Variants in MNAT1 observed in about 807,000 individuals in gnomAD.
MNAT1 encodes MNAT1 component of CDK activating kinase.
In MNAT1, 43 loss-of-function variants were observed where a neutral mutation model predicts 42.0. The observed-to-expected ratio is 1.02, with a 90% CI of 0.80 to 1.32. The LOEUF is 1.32. MNAT1 is among the 40% of genes most tolerant of loss of function. The pLI is 0.00. For synonymous variants in MNAT1, 118 were observed against 120.0 expected, an observed-to-expected ratio of 0.98 and a Z score of 0.11; for missense variants, 306 against 350.4, an observed-to-expected ratio of 0.87 and a Z score of 1.01.
At chr14:60,787,504 T>A (rs1326531933) in intron 1 of MNAT1, among the ~76,000 whole-genome samples, 2 of 152,126 alleles carry the variant, frequency 1.3e-5, no homozygotes, top group African/African-American at 2.4e-5. Context: ...CCTTGGTGAT[T>A]TCTTAAAATG....
intron 1 of MNAT1, among the ~76,000 whole-genome samples, chr14:60,793,660 A>G (rs1428645310): frequency 6.6e-6 from 1 of 152,016 alleles, no homozygotes; most frequent in Non-Finnish European, 1.5e-5. Flanking sequence ...GGCGTAAGCA[A>G]CTAGGCCTGG....
At chr14:60,945,454 G>T (rs901203885) in intron 7 of MNAT1, among the ~76,000 whole-genome samples, 8 of 151,836 alleles carry the variant, frequency 5.3e-5, no homozygotes, top group Non-Finnish European at 1.2e-4. Context: ...TTCCTTATAG[G>T]AATCACTTTA....
intron 6 of MNAT1, among the ~76,000 whole-genome samples, chr14:60,869,711 T>A (rs4151277): frequency 2.5e-3 from 375 of 152,316 alleles, no homozygotes; most frequent in Non-Finnish European, 4.1e-3. Flanking sequence ...ATATACTGAT[T>A]GGTATAGAAC....
intron 6 of MNAT1, among the ~76,000 whole-genome samples, chr14:60,848,111 A>T (rs1175435682): frequency 1.3e-5 from 2 of 152,106 alleles, no homozygotes; most frequent in Admixed American, 1.3e-4. Flanking sequence ...ATTTTTACAG[A>T]TTCCTCAGTC....
intron 1 of MNAT1, among the ~76,000 whole-genome samples, chr14:60,753,311 T>A (rs2030182945): frequency 6.6e-6 from 1 of 152,148 alleles, no homozygotes; most frequent in Non-Finnish European, 1.5e-5. Flanking sequence ...GAAGTGTGTG[T>A]CCACTTATAT....
At chr14:60,747,331 A>G (rs2029882376) in intron 1 of MNAT1, among the ~76,000 whole-genome samples, 1 of 152,110 alleles carries the variant, frequency 6.6e-6, no homozygotes, top group Admixed American at 6.6e-5. Flanking sequence ...AACTCATGTT[A>G]GGCAGTTTTA....
chr14:60,951,751 A>G (rs1433105392), intron 7 of MNAT1, among the ~76,000 whole-genome samples: 1 of 151,538 alleles, frequency 6.6e-6, no homozygotes, highest in Non-Finnish European at 1.5e-5. Flanking sequence ...TTTATAAGTG[A>G]GGTTCATTTA....
At chr14:60,900,514 G>T (rs2035051579) in intron 7 of MNAT1, among the ~76,000 whole-genome samples, 1 of 152,146 alleles carries the variant, frequency 6.6e-6, no homozygotes, top group Non-Finnish European at 1.5e-5. Flanking sequence ...AAATTCTAAA[G>T]CTAACAAAGG....
intron 7 of MNAT1, among the ~76,000 whole-genome samples, chr14:60,910,751 A>G (rs1480221267): frequency 1.3e-5 from 2 of 152,180 alleles, no homozygotes; most frequent in Non-Finnish European, 2.9e-5. Context: ...GGATTTTTGC[A>G]TCAATGTTCT....
chr14:60,925,922 A>G (rs1011541834), intron 7 of MNAT1, among the ~76,000 whole-genome samples: 15 of 152,234 alleles, frequency 9.9e-5, no homozygotes, highest in African/African-American at 3.6e-4. Context: ...CAGAAATGCC[A>G]GAGTAATGTT....
At chr14:60,809,089 G>C (rs974518601) in intron 4 of MNAT1, 4 of 152,016 alleles carry the variant, frequency 2.6e-5, no homozygotes, top group Admixed American at 1.3e-4. Flanking sequence ...AGAAAAAATT[G>C]TATGCATGCA....
chr14:60,902,632 A>G (rs983143009), intron 7 of MNAT1, among the ~76,000 whole-genome samples: 3 of 152,156 alleles, frequency 2.0e-5, no homozygotes, highest in Non-Finnish European at 4.4e-5. Context: ...ATCCCCCTAT[A>G]TAGTAATCAA....
At chr14:60,796,416 C>T (rs2032021224) in intron 2 of MNAT1, 47 bp downstream of exon 2, 1 of 1,527,340 alleles carries the variant, frequency 6.5e-7, no homozygotes, top group South Asian at 1.2e-5. Context: ...AGGACTTTAA[C>T]AATTATGTCA....
rs529432640 is a variant in MNAT1, at chr14:60,966,935, A to C, written c.810-1294A>C. Among the ~76,000 whole-genome samples, 315 of 152,116 alleles carry C rather than the reference A, an allele frequency of 2.1e-3. 1 individual carries two copies. Among genetic ancestry groups the C allele is most frequent in the African/African-American group, 6.8e-3 (283 of 41,514 alleles). ...GTAACATATAGTACATTAGTATTCTACATAAAACATATCTGAGATATGTTT... is the reference window on the plus strand; with the variant it reads ...GTAACATATAGTACATTAGTATTCTCCATAAAACATATCTGAGATATGTTT... On this transcript the variant is annotated intron_variant, in intron 7 of 7. Coordinates refer to ENST00000261245, the MANE Select transcript of MNAT1 (RefSeq NM_002431.4).
At chr14:60,773,617 T>C (rs1210008051) in intron 1 of MNAT1, among the ~76,000 whole-genome samples, 2 of 152,186 alleles carry the variant, frequency 1.3e-5, no homozygotes, top group Non-Finnish European at 2.9e-5. Context: ...ACAAACCTGT[T>C]AGGAAGGGCT....
intron 7 of MNAT1, among the ~76,000 whole-genome samples, chr14:60,961,693 T>C (rs1415643151): frequency 1.3e-5 from 2 of 152,330 alleles, no homozygotes; most frequent in East Asian, 3.9e-4. Context: ...TTGTTCTCTG[T>C]CTTATTATCA....
chr14:60,898,119 G>A (rs1341588037), intron 7 of MNAT1, among the ~76,000 whole-genome samples: 2 of 77,066 alleles, frequency 2.6e-5, no homozygotes, highest in Non-Finnish European at 6.0e-5. Context: ...GTGTGTGTGT[G>A]TGTGTGTGTG....
chr14:60,897,345 A>G (rs1411131819), intron 7 of MNAT1, among the ~76,000 whole-genome samples: 1 of 152,108 alleles, frequency 6.6e-6, no homozygotes, highest in Non-Finnish European at 1.5e-5. Context: ...TGCATTATGT[A>G]AATACATAAT....
chr14:60,901,088 T>G (rs1473234376), intron 7 of MNAT1, among the ~76,000 whole-genome samples: 5 of 151,822 alleles, frequency 3.3e-5, no homozygotes. Flanking sequence ...CTGACTCTCT[T>G]TTTAGGAGCA....
Sources: gnomAD v4.1 joint callset for allele counts (sites outside exome capture counted in the v4.1 genomes callset) on GRCh38, gnomAD v4.1.1 for gene constraint, MANE v1.5 for transcripts, NCBI Gene and HGNC (gene_info 2026-07-23, HGNC 2026-07-21) for gene names.